The following GSE1 variants were observed in gnomAD, a reference collection of about 807,000 sequenced individuals.
The protein encoded by GSE1 is genetic suppressor element 1.
GSE1 carries 32 observed loss-of-function variants against 112.6 expected under a neutral mutation model. The observed-to-expected ratio is 0.28, with a 90% CI of 0.21 to 0.38. The LOEUF (loss-of-function observed/expected upper bound fraction) is 0.38. Ranked by LOEUF, GSE1 falls within the 10% of genes least tolerant of loss-of-function variation. The pLI is 1.00. For synonymous variants in GSE1, 1,115 were observed against 735.6 expected (o/e 1.52, Z -8.35); for missense variants, 2,348 against 1,699.2 (o/e 1.38, Z -6.71).
chr16:85,632,924 C>T (rs1467175851), intron 1 of GSE1, among the ~76,000 whole-genome samples: 1 of 152,180 alleles, frequency 6.6e-6, no homozygotes, highest in Non-Finnish European at 1.5e-5. Flanking sequence ...ACGGGGTGGG[C>T]GGACTGAGGG....
chr16:85,313,268 C>G (rs2045903039), intron 1 of GSE1, among the ~76,000 whole-genome samples: 1 of 152,176 alleles, frequency 6.6e-6, no homozygotes, highest in Admixed American at 6.5e-5. Context: ...GAGACCTGCC[C>G]TGCTTCTCCT....
chr16:85,432,128 C>T (rs1354690324), intron 2 of GSE1, among the ~76,000 whole-genome samples: 1 of 152,196 alleles, frequency 6.6e-6, no homozygotes, highest in African/African-American at 2.4e-5. Flanking sequence ...GCATGAATTA[C>T]CCGCTAATAG....
intron 2 of GSE1, among the ~76,000 whole-genome samples, chr16:85,495,663 T>A (rs9935987): frequency 0.1 from 15,248 of 151,780 alleles, 1,436 homozygotes; most frequent in East Asian, 0.37. Context: ...GCTAATTTTT[T>A]AAAAAAAATT....
At chr16:85,232,108 G>T (rs1374127508) in intron 1 of GSE1, among the ~76,000 whole-genome samples, 1 of 152,244 alleles carries the variant, frequency 6.6e-6, no homozygotes, top group African/African-American at 2.4e-5. Context: ...CTGGCAGGCA[G>T]ACCAGAAGCA....
chr16:85,208,707 T>C (rs1004580738), intron 1 of GSE1, among the ~76,000 whole-genome samples: 1 of 151,540 alleles, frequency 6.6e-6, no homozygotes, highest in Non-Finnish European at 1.5e-5. Context: ...TAAAAGTCAT[T>C]CTTAGCTTAG....
At chr16:85,545,275 C>T (rs1386311458) in intron 2 of GSE1, among the ~76,000 whole-genome samples, 1 of 152,238 alleles carries the variant, frequency 6.6e-6, no homozygotes, top group East Asian at 1.9e-4. Context: ...CATATTGCTG[C>T]CTCTATCTTG....
rs771809454 is a variant in GSE1 at position 85,661,621 on chromosome 16, C to T, written c.2116C>T (p.Leu706=). 3 of 1,611,354 alleles carry T rather than the reference C, an allele frequency of 1.9e-6. No individual in the cohort carries two copies. Among genetic ancestry groups the T allele is most frequent in the South Asian group, 2.2e-5 (2 of 90,872 alleles). The change falls in exon 9 of 16, where the codon CTG becomes TTG. Residue 706 remains leucine (L), a synonymous_variant. Coordinates refer to ENST00000253458, the MANE Select transcript of GSE1 (RefSeq NM_014615.5). ...CACCTTCGGGGAGCTCAGCGGACCC[C>T]TGAAGCCTGGCTCGCCCTACCGGCC... ...AATFGELSGP[L]KPGSPYRPPV...
intron 2 of GSE1, among the ~76,000 whole-genome samples, chr16:85,518,873 G>A (rs1009180426): frequency 5.3e-5 from 8 of 152,074 alleles, no homozygotes; most frequent in African/African-American, 1.4e-4. Flanking sequence ...CCCAGCTCAG[G>A]CTCACACCTG....
intron 2 of GSE1, among the ~76,000 whole-genome samples, chr16:85,531,432 A>G (rs564901337): frequency 1.3e-5 from 2 of 151,942 alleles, no homozygotes; most frequent in African/African-American, 4.8e-5. Flanking sequence ...ATAGATTCTC[A>G]TAGGGCATGT....
intron 14 of GSE1, among the ~76,000 whole-genome samples, chr16:85,668,783 A>G (rs1472785763): frequency 6.6e-6 from 1 of 152,220 alleles, no homozygotes; most frequent in African/African-American, 2.4e-5. Context: ...CCTGGCAGCT[A>G]GGCCTGGTCA....
chr16:85,664,927 C>G, intron 11 of GSE1, 88 bp from the exon 12 acceptor site: 1 of 872,376 alleles, frequency 1.1e-6, no homozygotes. Context: ...GCTTTGCCTG[C>G]CCCTCAAGGC....
intron 2 of GSE1, among the ~76,000 whole-genome samples, chr16:85,638,415 G>A (rs1473427042): frequency 2.0e-5 from 3 of 152,192 alleles, no homozygotes; most frequent in Non-Finnish European, 4.4e-5. Flanking sequence ...ACTCACTGCC[G>A]AGGCTGGGGC....
chr16:85,548,935 G>A (rs1205964627), intron 2 of GSE1, among the ~76,000 whole-genome samples: 8 of 152,106 alleles, frequency 5.3e-5, no homozygotes, highest in East Asian at 1.9e-4. Flanking sequence ...GATTACAGGC[G>A]TGCGCCACCA....
At chr16:85,210,128 C>T (rs550462255) in intron 1 of GSE1, among the ~76,000 whole-genome samples, 1 of 152,236 alleles carries the variant, frequency 6.6e-6, no homozygotes, top group Non-Finnish European at 1.5e-5. Flanking sequence ...AGTTCTGTGT[C>T]GTATTCGTCT....
At chr16:85,550,680 C>T in intron 2 of GSE1, among the ~76,000 whole-genome samples, 1 of 152,200 alleles carries the variant, frequency 6.6e-6, no homozygotes, top group Non-Finnish European at 1.5e-5. Context: ...CCTGCAGCCT[C>T]AGTTTTCCCA....
At chr16:85,478,845 T>C (rs111621891) in intron 2 of GSE1, among the ~76,000 whole-genome samples, 6,107 of 16,282 alleles carry the variant, frequency 0.38, 329 homozygotes, top group African/African-American at 0.47. Flanking sequence ...TTTATTTTCT[T>C]TCTTTCTTTC....
intron 1 of GSE1, among the ~76,000 whole-genome samples, chr16:85,252,763 C>A (rs1906626329): frequency 6.6e-6 from 1 of 152,236 alleles, no homozygotes; most frequent in African/African-American, 2.4e-5. Flanking sequence ...CATTCACCTG[C>A]CCCGAGTTAC....
chr16:85,388,810 A>G (rs991962254), intron 2 of GSE1, among the ~76,000 whole-genome samples: 11 of 152,160 alleles, frequency 7.2e-5, no homozygotes, highest in African/African-American at 2.7e-4. Context: ...AGTTCTGACT[A>G]CTGGTGAAGA....
chr16:85,384,152 A>G (rs1447627755), intron 2 of GSE1, among the ~76,000 whole-genome samples: 1 of 152,158 alleles, frequency 6.6e-6, no homozygotes, highest in African/African-American at 2.4e-5. Flanking sequence ...GCACAGACTC[A>G]AAGGAGGGGA....
Sources: allele counts gnomAD v4.1 joint callset (sites outside exome capture counted in the v4.1 genomes callset), GRCh38; gene constraint gnomAD v4.1.1; transcripts MANE v1.5; gene names NCBI Gene and HGNC (gene_info 2026-07-23, HGNC 2026-07-21).